GNB4: variants seen among roughly 807,000 people sequenced by gnomAD.
GNB4 encodes the protein G protein subunit beta 4.
GNB4 carries 28 observed loss-of-function variants against 45.2 expected under a neutral mutation model. The ratio of observed to expected loss-of-function variants is 0.62; its 90% CI spans 0.46 to 0.85. The LOEUF is 0.85. GNB4 is among the 40% of genes least tolerant of loss of function. The pLI is 0.00. For missense variants in GNB4, 321 were observed against 425.4 expected (o/e 0.75, Z 2.16); for synonymous variants, 132 against 143.7 (o/e 0.92, Z 0.58).
the GNB4 span, among the ~76,000 whole-genome samples, chr3:179,511,284 TA>T: frequency 2.6e-5 from 4 of 152,242 alleles, no homozygotes; most frequent in Admixed American, 2.6e-4. Context: ...CTTCTCTCAC[TA>T]TAAGGGCACC....
upstream of GNB4, among the ~76,000 whole-genome samples, chr3:179,454,543 C>T (rs1019056415): frequency 1.3e-5 from 2 of 152,182 alleles, no homozygotes; most frequent in Non-Finnish European, 2.9e-5. Context: ...CTTGGTCCTA[C>T]ATTGGATGAA....
the GNB4 span, among the ~76,000 whole-genome samples, chr3:179,494,297 G>A: frequency 3.9e-4 from 59 of 151,078 alleles, no homozygotes; most frequent in Non-Finnish European, 6.9e-4. Flanking sequence ...GAAAGAAAGA[G>A]AGAGGAAGGA....
At chr3:179,406,049 T>C (rs1714461586) in intron 8 of GNB4, 1 of 152,174 alleles carries the variant, frequency 6.6e-6, no homozygotes, top group South Asian at 2.1e-4. Context: ...TGGCTTTTGT[T>C]TTATGAATTT....
chr3:179,507,544 T>C, the GNB4 span, among the ~76,000 whole-genome samples: 2 of 152,314 alleles, frequency 1.3e-5, no homozygotes, highest in East Asian at 1.9e-4. Flanking sequence ...TCCAGGCATA[T>C]TGAAAAATCC....
chr3:179,415,587 A>G (rs890214980), intron 5 of GNB4, among the ~76,000 whole-genome samples: 33 of 152,200 alleles, frequency 2.2e-4, no homozygotes, highest in Admixed American at 1.5e-3. Flanking sequence ...TAGAAACAAC[A>G]CTGTCTGCTG....
chr3:179,474,705 T>A, the GNB4 span, among the ~76,000 whole-genome samples: 2 of 151,508 alleles, frequency 1.3e-5, no homozygotes, highest in Non-Finnish European at 2.9e-5. Context: ...TAGTCTGTTT[T>A]GTGTTGCTGT....
intron 3 of GNB4, among the ~76,000 whole-genome samples, chr3:179,419,977 T>C (rs942643618): frequency 2.0e-5 from 3 of 151,922 alleles, no homozygotes; most frequent in Non-Finnish European, 2.9e-5. Flanking sequence ...ATTAGTCTTC[T>C]TGACCCCTCT....
chr3:179,481,957 C>T, the GNB4 span, among the ~76,000 whole-genome samples: 1 of 152,084 alleles, frequency 6.6e-6, no homozygotes, highest in African/African-American at 2.4e-5. Context: ...GGCTGGAGTG[C>T]AGTGACACAA....
chr3:179,458,178 C>G, the GNB4 span, among the ~76,000 whole-genome samples: 1 of 152,170 alleles, frequency 6.6e-6, no homozygotes, highest in South Asian at 2.1e-4. Flanking sequence ...GCTGGGATTA[C>G]AGGCGTGAGC....
intron 5 of GNB4, among the ~76,000 whole-genome samples, chr3:179,415,796 G>A (rs1714782913): frequency 6.6e-6 from 1 of 151,960 alleles, no homozygotes. Context: ...GCTTAATGAT[G>A]ATTAATAAAG....
the GNB4 span, among the ~76,000 whole-genome samples, chr3:179,518,176 A>T: frequency 6.6e-6 from 1 of 152,038 alleles, no homozygotes; most frequent in South Asian, 2.1e-4. Flanking sequence ...CTGACCTAAA[A>T]CCTAAGTGCC....
chr3:179,503,173 T>C, the GNB4 span, among the ~76,000 whole-genome samples: 5 of 152,344 alleles, frequency 3.3e-5, no homozygotes, highest in African/African-American at 1.2e-4. Context: ...CCACTGTATG[T>C]ATATTTTACC....
chr3:179,467,852 G>T, the GNB4 span, among the ~76,000 whole-genome samples: 2 of 151,686 alleles, frequency 1.3e-5, no homozygotes, highest in African/African-American at 4.8e-5. Context: ...GATTAATACT[G>T]CAAAGTTATG....
chr3:179,510,750 T>A, the GNB4 span, among the ~76,000 whole-genome samples: 1 of 152,198 alleles, frequency 6.6e-6, no homozygotes, highest in Non-Finnish European at 1.5e-5. Context: ...CACGTTTGCC[T>A]TGTTATAGGC....
the GNB4 span, among the ~76,000 whole-genome samples, chr3:179,520,298 C>T: frequency 1.3e-5 from 2 of 151,976 alleles, no homozygotes; most frequent in Non-Finnish European, 2.9e-5. Flanking sequence ...CGGCATAATT[C>T]TCATAAAAAC....
At chr3:179,459,657 G>C in the GNB4 span, among the ~76,000 whole-genome samples, 2 of 151,254 alleles carry the variant, frequency 1.3e-5, no homozygotes, top group African/African-American at 2.4e-5. Context: ...ACTCCAGCCT[G>C]GGCAACAAGA....
the GNB4 span, among the ~76,000 whole-genome samples, chr3:179,463,500 G>A: frequency 6.6e-5 from 10 of 152,300 alleles, no homozygotes; most frequent in Non-Finnish European, 1.3e-4. Flanking sequence ...CCAAGTGCTT[G>A]TGTAATCTTC....
chr3:179,509,174 C>T, the GNB4 span, among the ~76,000 whole-genome samples: 1,012 of 148,252 alleles, frequency 6.8e-3, 11 homozygotes, highest in African/African-American at 0.023. Flanking sequence ...TACATACACA[C>T]ACACACACAC....
chr3:179,526,423 C>T, the GNB4 span, among the ~76,000 whole-genome samples: 7 of 152,180 alleles, frequency 4.6e-5, no homozygotes, highest in Non-Finnish European at 1.0e-4. Context: ...GGATTGTTGC[C>T]TTTCTCTACC....
Sources: allele counts gnomAD v4.1 joint callset (sites outside exome capture counted in the v4.1 genomes callset), GRCh38; gene constraint gnomAD v4.1.1; transcripts MANE v1.5; gene names NCBI Gene and HGNC (gene_info 2026-07-23, HGNC 2026-07-21).